Variants in ANKRD36C observed in about 807,000 individuals in gnomAD.
ANKRD36C encodes ankyrin repeat domain 36C.
ANKRD36C carries 61 observed loss-of-function variants against 276.4 expected under a neutral mutation model. The ratio of observed to expected loss-of-function variants is 0.22; its 90% CI spans 0.18 to 0.27. ANKRD36C has a LOEUF of 0.27. Among genes scored for constraint, ANKRD36C ranks in the 10% least tolerant of loss-of-function variants. ANKRD36C has a pLI of 1.00. For synonymous variants in ANKRD36C, 483 were observed against 680.1 expected, an observed-to-expected ratio of 0.71 and a Z score of 4.51; for missense variants, 1,447 against 2,032.3, an observed-to-expected ratio of 0.71 and a Z score of 5.54.
chr2:95,966,096 C>A (rs949660891), intron 6 of ANKRD36C, among the ~76,000 whole-genome samples: 15 of 152,130 alleles, frequency 9.9e-5, no homozygotes, highest in Admixed American at 3.3e-4. Flanking sequence ...TGACTACTTA[C>A]TTTCTTCATT....
chr2:95,878,598 C>A, intron 58 of ANKRD36C, among the ~76,000 whole-genome samples: 1 of 152,130 alleles, frequency 6.6e-6, no homozygotes, highest in Non-Finnish European at 1.5e-5. Flanking sequence ...ATTTCTATTT[C>A]CTAAATTTGT....
intron 1 of ANKRD36C, among the ~76,000 whole-genome samples, chr2:95,990,098 T>C (rs1347931149): frequency 6.6e-6 from 1 of 152,202 alleles, no homozygotes; most frequent in Non-Finnish European, 1.5e-5. Flanking sequence ...TGTAGGAATA[T>C]AAACATGAAT....
chr2:95,875,535 TG>T (rs1198195997), intron 59 of ANKRD36C, among the ~76,000 whole-genome samples: 1 of 56,918 alleles, frequency 1.8e-5, no homozygotes, highest in Non-Finnish European at 3.1e-5. Flanking sequence ...TGTTGTGGGG[TG>T]GGGGGAGGGG....
At chr2:95,869,294 CTGTT>C (rs1182484474) in intron 59 of ANKRD36C, among the ~76,000 whole-genome samples, 2 of 152,066 alleles carry the variant, frequency 1.3e-5, no homozygotes, top group Admixed American at 6.6e-5. Flanking sequence ...TAATTTGTCA[CTGTT>C]TGTTTGGACT....
chr2:95,860,920 A>G (rs1333699564), intron 60 of ANKRD36C, among the ~76,000 whole-genome samples: 2 of 152,238 alleles, frequency 1.3e-5, no homozygotes, highest in East Asian at 3.9e-4. Context: ...GTGCTAGGAA[A>G]CTTCCTAAGA....
intron 59 of ANKRD36C, among the ~76,000 whole-genome samples, chr2:95,872,676 C>G (rs1675842713): frequency 6.6e-6 from 1 of 151,824 alleles, no homozygotes; most frequent in Non-Finnish European, 1.5e-5. Flanking sequence ...CAGAACAGAA[C>G]TGAAGGAAAT....
chr2:95,938,077 T>C (rs1270852291), intron 22 of ANKRD36C, among the ~76,000 whole-genome samples: 1 of 152,190 alleles, frequency 6.6e-6, no homozygotes, highest in Non-Finnish European at 1.5e-5. Flanking sequence ...TTATGTACAT[T>C]GTGTGAAAGC....
At chr2:95,973,938 C>T (rs536840960) in intron 6 of ANKRD36C, among the ~76,000 whole-genome samples, 23 of 151,722 alleles carry the variant, frequency 1.5e-4, no homozygotes, top group Non-Finnish European at 3.2e-4. Context: ...GCAGTATCAG[C>T]GACTTAGGAG....
rs1353865291 is a variant in ANKRD36C at position 95,915,834 on chromosome 2, G to GT, written c.2449+145dup. The GT allele has an allele frequency of 2.4e-5, 29 of 1,188,796 alleles. No homozygotes were observed. In the African/African-American group the frequency reaches 3.8e-4, roughly 16 times the overall value. The allele number at this position is 1,188,796 out of a possible 1,614,324, so 73.6% of individuals were successfully genotyped here. A position where few individuals can be genotyped will look rare whatever the true frequency, so the allele number is the denominator to read the frequency against. ...CATGTTCCAGACCAGCAGCAACAGC[G>GT]TAACCCAAGAACTTATTAGAAATGA... is the stretch of plus-strand genomic sequence containing the variant. On this transcript the variant is annotated intron_variant, in intron 38 of 66. Coordinates refer to ENST00000456556, the Ensembl canonical transcript of ANKRD36C.
At chr2:95,866,339 G>T (rs1332544317) in intron 60 of ANKRD36C, among the ~76,000 whole-genome samples, 2 of 152,214 alleles carry the variant, frequency 1.3e-5, no homozygotes, top group East Asian at 3.9e-4. Flanking sequence ...CAAAGCAAGT[G>T]AAAAGTCAAC....
intron 59 of ANKRD36C, among the ~76,000 whole-genome samples, chr2:95,870,083 AGG>A (rs1271750192): frequency 6.6e-6 from 1 of 152,228 alleles, no homozygotes; most frequent in Non-Finnish European, 1.5e-5. Flanking sequence ...CTCTGGGGGC[AGG>A]GCACAGAGAA....
chr2:95,928,202 G>A (rs1677463481), intron 26 of ANKRD36C, among the ~76,000 whole-genome samples: 1 of 151,578 alleles, frequency 6.6e-6, no homozygotes, highest in African/African-American at 2.4e-5. Context: ...ACCACTGTAG[G>A]AGTTAATTAG....
intron 19 of ANKRD36C, 44 bp downstream of exon 19, chr2:95,944,583 A>G (rs1677981924): frequency 6.6e-7 from 1 of 1,509,668 alleles, no homozygotes; most frequent in Non-Finnish European, 8.9e-7. Context: ...ACAGGACTGG[A>G]CTCTGATTAT....
intron 34 of ANKRD36C, among the ~76,000 whole-genome samples, chr2:95,918,606 A>C: frequency 6.6e-6 from 1 of 151,800 alleles, no homozygotes; most frequent in East Asian, 2.0e-4. Flanking sequence ...AGTAGATAAT[A>C]TTCATTATCT....
In ANKRD36C at chr2:95,944,691, T is replaced by C. The variant is rs1427074920; in HGVS notation, c.1427A>G (p.Asp476Gly). Residue 476 changes from aspartate (D) to glycine (G), a missense_variant, in exon 19 of 67, where the codon GAT (aspartate) becomes GGT (glycine). Coordinates refer to ENST00000456556, the Ensembl canonical transcript of ANKRD36C. ...TGTTTTGTCAATGCCACATGCAGCATCTACTACAGTAAAAACAAAGTCAAG... is the reference window on the plus strand; with the variant it reads ...TGTTTTGTCAATGCCACATGCAGCACCTACTACAGTAAAAACAAAGTCAAG... 1.3e-5 allele frequency: 20 copies of C among 1,536,938 alleles called. No individual in the cohort carries two copies. The East Asian group carries it at 4.9e-4, about 38-fold the overall frequency.
chr2:95,922,464 C>T (rs1419775892), intron 32 of ANKRD36C, among the ~76,000 whole-genome samples: 1 of 151,578 alleles, frequency 6.6e-6, no homozygotes, highest in African/African-American at 2.4e-5. Flanking sequence ...TCTTCATCCA[C>T]TCATGGCAAC....
Position 95,893,609 on chromosome 2 carries a change from A to G in ANKRD36C, c.2756-1749T>C. 6.3e-7 allele frequency: 1 copy of G among 1,586,180 alleles called. No individual in the cohort carries two copies. The highest frequency in any genetic ancestry group is 8.6e-7 in the Non-Finnish European group (1 of 1,165,544). On this transcript the variant is annotated intron_variant, in intron 44 of 66. Coordinates refer to ENST00000456556, the Ensembl canonical transcript of ANKRD36C. ...AATCTTCCTCGTCACCTGTAGCCTG[A>G]ATGGAATTTGAAATGAAATAATAAA...
At chr2:95,960,287 C>A (rs906416308) in intron 10 of ANKRD36C, among the ~76,000 whole-genome samples, 186 bp downstream of exon 10, 9 of 151,938 alleles carry the variant, frequency 5.9e-5, no homozygotes, top group African/African-American at 1.9e-4. Flanking sequence ...TATAGTCTTA[C>A]TACTCAGATC....
At chr2:95,871,524 C>T (rs551090631) in intron 59 of ANKRD36C, among the ~76,000 whole-genome samples, 13 of 152,142 alleles carry the variant, frequency 8.5e-5, no homozygotes, top group African/African-American at 2.4e-4. Flanking sequence ...AAGCACTAAA[C>T]GTGGAAAGGA....
Sources: gnomAD v4.1 joint callset for allele counts (sites outside exome capture counted in the v4.1 genomes callset) on GRCh38, gnomAD v4.1.1 for gene constraint, MANE v1.5 for transcripts, NCBI Gene and HGNC (gene_info 2026-07-23, HGNC 2026-07-21) for gene names.